The following PCDH17 variants were observed in gnomAD, a reference collection of about 807,000 sequenced individuals.
PCDH17 encodes protocadherin 17.
PCDH17 carries 21 observed loss-of-function variants against 67.7 expected under a neutral mutation model. The observed-to-expected ratio is 0.31, with a 90% CI of 0.22 to 0.45. PCDH17 has a LOEUF of 0.45. Ranked by LOEUF, PCDH17 falls within the 20% of genes least tolerant of loss-of-function variation. PCDH17 has a pLI of 1.00. For synonymous variants in PCDH17, 701 were observed against 656.7 expected (o/e 1.07, Z -1.03); for missense variants, 1,471 against 1,564.8 (o/e 0.94, Z 1.01).
intron 3 of PCDH17, among the ~76,000 whole-genome samples, chr13:57,694,840 C>T (rs1955591717): frequency 6.6e-6 from 1 of 150,914 alleles, no homozygotes; most frequent in Non-Finnish European, 1.5e-5. Context: ...AGGCCATTGC[C>T]ACATGTATCA....
chr13:57,688,243 A>G (rs1351695512), intron 3 of PCDH17, among the ~76,000 whole-genome samples: 1 of 151,904 alleles, frequency 6.6e-6, no homozygotes, highest in African/African-American at 2.4e-5. Flanking sequence ...GCTCAGGAGT[A>G]CTAGGCTGCA....
intron 3 of PCDH17, among the ~76,000 whole-genome samples, chr13:57,703,746 A>G (rs1373108850): frequency 2.0e-5 from 3 of 152,136 alleles, no homozygotes; most frequent in Non-Finnish European, 4.4e-5. Flanking sequence ...CATTGTATTT[A>G]GTACTGTAGT....
intron 3 of PCDH17, among the ~76,000 whole-genome samples, chr13:57,719,182 T>A (rs903764803): frequency 2.6e-5 from 4 of 152,062 alleles, no homozygotes; most frequent in African/African-American, 9.7e-5. Flanking sequence ...GACTTCCATT[T>A]ATAGAGTTGT....
intron 1 of PCDH17, among the ~76,000 whole-genome samples, chr13:57,658,776 T>TTGTTTTGTTTTGTTTTGTTTTGTTC (rs1955142886): frequency 6.6e-6 from 1 of 151,898 alleles, no homozygotes; most frequent in African/African-American, 2.4e-5. Context: ...TTGTTTTGTT[T>TTGTTTTGTTTTGTTTTGTTTTGTTC]TGTTTTGTTT....
intron 3 of PCDH17, among the ~76,000 whole-genome samples, chr13:57,690,928 C>G (rs1955552740): frequency 6.6e-6 from 1 of 151,260 alleles, no homozygotes; most frequent in Non-Finnish European, 1.5e-5. Flanking sequence ...AAAATGATAT[C>G]CCTTGTGGTT....
At position 57,631,899 on chromosome 13, in the gene PCDH17, G is replaced by T. The variant is rs1055769846; in HGVS notation, c.-648G>T. On this transcript the variant is annotated 5_prime_UTR_variant, in exon 1 of 4. Transcript: ENST00000377918. The stretch of plus-strand genomic sequence containing the variant: ...CAAAACACTGCCTGAAAACAGACCG[G>T]CCCGCGCAGCAAGCAGACATTTCAC... 3 of 152,454 alleles carry T rather than the reference G, an allele frequency of 2.0e-5. No individual in the cohort carries two copies. The highest frequency in any genetic ancestry group is 2.9e-5 in the Non-Finnish European group (2 of 68,332). 9.4% of individuals were successfully genotyped at this position (152,454 alleles called of 1,614,324 possible).
chr13:57,646,944 G>C (rs1954972879), intron 1 of PCDH17, among the ~76,000 whole-genome samples: 1 of 151,824 alleles, frequency 6.6e-6, no homozygotes, highest in Non-Finnish European at 1.5e-5. Context: ...TTGGTTACAT[G>C]TTACTACAAG....
intron 1 of PCDH17, among the ~76,000 whole-genome samples, chr13:57,658,247 C>A (rs2138011050): frequency 6.6e-6 from 1 of 152,228 alleles, no homozygotes; most frequent in Non-Finnish European, 1.5e-5. Context: ...CAGTCCCATC[C>A]AGTGTGTGTA....
At chr13:57,717,638 A>G (rs939428961) in intron 3 of PCDH17, among the ~76,000 whole-genome samples, 1 of 152,006 alleles carries the variant, frequency 6.6e-6, no homozygotes. Context: ...GTGGCAATAC[A>G]TTCAAAAGCA....
intron 3 of PCDH17, among the ~76,000 whole-genome samples, chr13:57,689,834 G>C (rs1395768641): frequency 1.3e-5 from 2 of 151,332 alleles, no homozygotes; most frequent in African/African-American, 2.4e-5. Context: ...CTCTATTCTG[G>C]GAAAAAATAA....
At chr13:57,669,491 T>G (rs1955295180) in intron 3 of PCDH17, among the ~76,000 whole-genome samples, 1 of 152,032 alleles carries the variant, frequency 6.6e-6, no homozygotes, top group Non-Finnish European at 1.5e-5. Flanking sequence ...CTATCTTTTT[T>G]GTCTATGTCA....
chr13:57,646,238 A>ATTCCC (rs1337400614), intron 1 of PCDH17, among the ~76,000 whole-genome samples: 1 of 151,660 alleles, frequency 6.6e-6, no homozygotes, highest in Admixed American at 6.6e-5. Context: ...TTATGCAAAT[A>ATTCCC]TTGAGTAAAT....
chr13:57,694,808 A>T (rs540305585), intron 3 of PCDH17, among the ~76,000 whole-genome samples: 1 of 151,200 alleles, frequency 6.6e-6, no homozygotes, highest in African/African-American at 2.4e-5. Context: ...TTTTTTCTCC[A>T]GTCCTCAGAG....
intron 3 of PCDH17, among the ~76,000 whole-genome samples, chr13:57,678,802 C>T (rs996983697): frequency 1.3e-5 from 2 of 151,606 alleles, no homozygotes; most frequent in South Asian, 4.2e-4. Flanking sequence ...AATATTTTAA[C>T]ATGTTAAAAT....
intron 1 of PCDH17, among the ~76,000 whole-genome samples, chr13:57,650,670 A>G (rs1002233456): frequency 1.3e-5 from 2 of 152,156 alleles, no homozygotes; most frequent in South Asian, 4.1e-4. Context: ...AAATTCTTAT[A>G]TATTGCAAAT....
intron 1 of PCDH17, among the ~76,000 whole-genome samples, chr13:57,663,684 A>G (rs978511265): frequency 1.3e-5 from 2 of 152,198 alleles, no homozygotes; most frequent in Admixed American, 6.5e-5. Context: ...ACTTTAATCA[A>G]TGAGTTCAGA....
chr13:57,640,186 G>A (rs934507497), intron 1 of PCDH17, among the ~76,000 whole-genome samples: 2 of 151,768 alleles, frequency 1.3e-5, no homozygotes, highest in Admixed American at 1.3e-4. Flanking sequence ...TGGGTTTCAG[G>A]TTTCAAGTTT....
At chr13:57,661,129 G>C (rs555117276) in intron 1 of PCDH17, among the ~76,000 whole-genome samples, 10 of 152,100 alleles carry the variant, frequency 6.6e-5, no homozygotes, top group African/African-American at 2.4e-4. Flanking sequence ...CTAAATTTAT[G>C]AGAATTCCAG....
At chr13:57,677,853 C>A (rs9569725) in intron 3 of PCDH17, among the ~76,000 whole-genome samples, 1 of 151,504 alleles carries the variant, frequency 6.6e-6, no homozygotes, top group African/African-American at 2.4e-5. Flanking sequence ...AAATACTGAT[C>A]TCATAGAAGT....
Sources: allele counts gnomAD v4.1 joint callset (sites outside exome capture counted in the v4.1 genomes callset), GRCh38; gene constraint gnomAD v4.1.1; transcripts MANE v1.5; gene names NCBI Gene and HGNC (gene_info 2026-07-23, HGNC 2026-07-21).